The following MAPKAPK5 variants were observed in gnomAD, a reference collection of about 807,000 sequenced individuals.
The protein encoded by MAPKAPK5 is MAP kinase-activated protein kinase 5.
In MAPKAPK5, 30 loss-of-function variants were observed where a neutral mutation model predicts 65.1. That is an observed-to-expected ratio of 0.46 (90% CI 0.34 to 0.63). The LOEUF (loss-of-function observed/expected upper bound fraction) is 0.63. Among genes scored for constraint, MAPKAPK5 ranks in the 20% least tolerant of loss-of-function variants. The pLI is 0.01. For synonymous variants in MAPKAPK5, 179 were observed against 204.6 expected (o/e 0.87, Z 1.07); for missense variants, 433 against 581.4 (o/e 0.74, Z 2.63).
At chr12:111,888,408 T>TG in intron 10 of MAPKAPK5, 80 bp from the exon 11 acceptor site, 1 of 1,562,392 alleles carries the variant, frequency 6.4e-7, no homozygotes, top group Non-Finnish European at 8.7e-7. Flanking sequence ...ACTTTGAGCT[T>TG]TTCCTTTCCA....
intron 4 of MAPKAPK5, 77 bp downstream of exon 4, chr12:111,867,746 C>A: frequency 1.9e-6 from 2 of 1,058,938 alleles, no homozygotes; most frequent in Non-Finnish European, 2.9e-6. Flanking sequence ...CTTTTATGTG[C>A]TCCCTCCCCT....
At chr12:111,849,120 A>T (rs2068991595) in intron 1 of MAPKAPK5, among the ~76,000 whole-genome samples, 2 of 150,468 alleles carry the variant, frequency 1.3e-5, no homozygotes, top group Non-Finnish European at 3.0e-5. Flanking sequence ...TTTTTTTATT[A>T]ATTTTTTTAG....
intron 8 of MAPKAPK5, chr12:111,882,842 G>A: frequency 4.1e-6 from 4 of 985,440 alleles, no homozygotes; most frequent in Non-Finnish European, 4.8e-6. Flanking sequence ...AGTGGCCTGT[G>A]CTGTACTGTA....
chr12:111,867,798 C>T, intron 4 of MAPKAPK5, 129 bp downstream of exon 4: 1 of 682,744 alleles, frequency 1.5e-6, no homozygotes, highest in Non-Finnish European at 2.6e-6. Flanking sequence ...CTCTGCCCTT[C>T]CTTCTCCCCC....
At chr12:111,880,333 G>T (rs923949029) in intron 7 of MAPKAPK5, 114 bp from the exon 8 acceptor site, 27 of 824,128 alleles carry the variant, frequency 3.3e-5, no homozygotes, top group South Asian at 3.3e-4. Context: ...GTTTTTTTTC[G>T]ATGGCTGATT....
At position 111,861,114 on chromosome 12, in the gene MAPKAPK5, G is replaced by A. The variant is rs910489465; in HGVS notation, c.37-4136G>A. ...GGAGGTTGGCGTGAGCCGAGATCGCGCCACTGCACACCAGCCTGGGCAACA... is the reference window on the plus strand; with the variant it reads ...GGAGGTTGGCGTGAGCCGAGATCGCACCACTGCACACCAGCCTGGGCAACA... On this transcript the variant is annotated intron_variant, in intron 1 of 13. Coordinates refer to ENST00000550735, the MANE Select transcript of MAPKAPK5 (RefSeq NM_003668.4). Among the ~76,000 whole-genome samples the A allele has an allele frequency of 4.0e-5, 6 of 151,060 alleles. No individual in the cohort carries two copies. In the South Asian group the frequency reaches 6.3e-4, roughly 16 times the overall value.
chr12:111,870,960 A>G, intron 6 of MAPKAPK5, 125 bp from the exon 7 acceptor site: 1 of 663,082 alleles, frequency 1.5e-6, no homozygotes, highest in East Asian at 2.7e-5. Flanking sequence ...TGTTATTTTC[A>G]TAAGTTCGCA....
chr12:111,887,416 A>G (rs1205257085), intron 10 of MAPKAPK5, among the ~76,000 whole-genome samples: 1 of 152,220 alleles, frequency 6.6e-6, no homozygotes, highest in Non-Finnish European at 1.5e-5. Flanking sequence ...TTACGCCTGT[A>G]ATCCCAGCAG....
intron 1 of MAPKAPK5, among the ~76,000 whole-genome samples, chr12:111,854,462 A>G (rs912768924): frequency 6.6e-6 from 1 of 151,860 alleles, no homozygotes; most frequent in South Asian, 2.1e-4. Context: ...GATGGTCTTG[A>G]TCTCTTGACC....
chr12:111,887,790 A>T (rs956666160), intron 10 of MAPKAPK5: 2 of 151,490 alleles, frequency 1.3e-5, no homozygotes, highest in Admixed American at 1.3e-4. Flanking sequence ...GGCTTGATGT[A>T]TACTTCCTGA....
At chr12:111,854,940 T>C (rs1475390605) in intron 1 of MAPKAPK5, among the ~76,000 whole-genome samples, 1 of 146,068 alleles carries the variant, frequency 6.8e-6, no homozygotes, top group Non-Finnish European at 1.5e-5. Flanking sequence ...TACTCAGTTA[T>C]TAATTCAGTT....
Position 111,865,289 on chromosome 12 carries a change from CAGAAGCT to C in MAPKAPK5, c.77_83del (p.Gln26ArgfsTer13). The stretch of plus-strand genomic sequence containing the variant: ...AGAAGAATACAGTATCAATTGGACT[CAGAAGCT>C]GGGAGCTGGAATTAGTGGTCCAGTT... On this transcript the variant is annotated frameshift_variant, in exon 2 of 14. Coordinates refer to ENST00000550735, the MANE Select transcript of MAPKAPK5 (RefSeq NM_003668.4). LOFTEE classifies it high-confidence loss of function. 6.3e-7 allele frequency: 1 copy of C among 1,593,112 alleles called. No individual in the cohort carries two copies.
In MAPKAPK5 at chr12:111,896,317, T is replaced by G. The variant is rs2070813269; in HGVS notation, c.*3256T>G. On this transcript the variant is annotated 3_prime_UTR_variant, in exon 14 of 14. Coordinates refer to ENST00000550735, the MANE Select transcript of MAPKAPK5 (RefSeq NM_003668.4). ...TCAAGCTGAATTCATGCCCTCAATG[T>G]AAGTGCTGTGTCCAGACACATCCAA... is the stretch of plus-strand genomic sequence containing the variant. The G allele has an allele frequency of 6.6e-6, 1 of 152,174 alleles. No individual in the cohort carries two copies. Among genetic ancestry groups the G allele is most frequent in the Non-Finnish European group, 1.5e-5 (1 of 68,036 alleles). 9.4% of individuals were successfully genotyped at this position (152,174 alleles called of 1,614,324 possible).
In MAPKAPK5 at chr12:111,865,437, T is replaced by C. The variant is rs975152574; in HGVS notation, c.110+114T>C. The C allele has an allele frequency of 1.5e-5, 11 of 725,232 alleles. No homozygotes were observed. The African/African-American group carries it at 2.0e-4, about 13-fold the overall frequency. The allele number at this position is 725,232 out of a possible 1,614,324, so 44.9% of individuals were successfully genotyped here. On this transcript the variant is annotated intron_variant, in intron 2 of 13. Transcript: ENST00000550735. ...CATCAGGTGTGCCAGATTTGAGGAA[T>C]AGGCTGAATTTAACAAGTACAGGTT...
intron 1 of MAPKAPK5, among the ~76,000 whole-genome samples, chr12:111,845,282 G>C (rs1321159446): frequency 3.3e-5 from 5 of 152,012 alleles, no homozygotes; most frequent in Non-Finnish European, 5.9e-5. Context: ...ACACCACCAC[G>C]CCCGGCTATT....
chr12:111,847,600 TA>T (rs532376331), intron 1 of MAPKAPK5, among the ~76,000 whole-genome samples: 2 of 151,950 alleles, frequency 1.3e-5, no homozygotes, highest in African/African-American at 4.8e-5. Flanking sequence ...TTTTTAAAAT[TA>T]AAAAAAATTG....
Position 111,888,577 on chromosome 12 carries a change from C to A in MAPKAPK5, c.1059C>A (p.His353Gln), listed in dbSNP as rs372410297. Residue 353 changes from histidine to glutamine, a missense_variant, in exon 11 of 14, where the codon CAC becomes CAA. Coordinates refer to ENST00000550735, the MANE Select transcript of MAPKAPK5 (RefSeq NM_003668.4). ...QDLKVSLKPL[H>Q]SVNNPILRKR... is the part of the protein sequence containing the mutation. Reference sequence around the variant, plus strand: ...TGAAAGTCAGCCTCAAACCCCTGCACTCAGTGAACAACCCCATTCTGCGGA... The same window carrying A: ...TGAAAGTCAGCCTCAAACCCCTGCAATCAGTGAACAACCCCATTCTGCGGA... 4.3e-6 allele frequency: 7 copies of A among 1,614,008 alleles called. No individual in the cohort carries two copies. Among genetic ancestry groups the A allele is most frequent in the Non-Finnish European group, 5.9e-6 (7 of 1,179,886 alleles).
At chr12:111,847,344 CAAA>C (rs58150812) in intron 1 of MAPKAPK5, among the ~76,000 whole-genome samples, 2 of 103,328 alleles carry the variant, frequency 1.9e-5, no homozygotes, top group Admixed American at 1.1e-4. Flanking sequence ...TGAGACTCTG[CAAA>C]AAAAAAAAAA....
Position 111,900,015 on chromosome 12 carries a change from G to A in MAPKAPK5, c.*6954G>A, listed in dbSNP as rs1328055366. ...GCGGTTCCAGATGTGGGGCAGTAACGTCAATGAGACGGTCCAGACAGTAGT... is the reference window on the plus strand; with the variant it reads ...GCGGTTCCAGATGTGGGGCAGTAACATCAATGAGACGGTCCAGACAGTAGT... On this transcript the variant is annotated 3_prime_UTR_variant, in exon 14 of 14. Coordinates refer to ENST00000550735, the MANE Select transcript of MAPKAPK5 (RefSeq NM_003668.4). 2 of 455,952 alleles carry A rather than the reference G, an allele frequency of 4.4e-6. No individual in the cohort carries two copies. Among genetic ancestry groups the A allele is most frequent in the Non-Finnish European group, 4.4e-6 (1 of 226,816 alleles). 28.2% of individuals were successfully genotyped at this position (455,952 alleles called of 1,614,324 possible). A position where few individuals can be genotyped will look rare whatever the true frequency, so the allele number is the denominator to read the frequency against.
Sources: allele counts gnomAD v4.1 joint callset (sites outside exome capture counted in the v4.1 genomes callset), GRCh38; gene constraint gnomAD v4.1.1; transcripts MANE v1.5; gene names NCBI Gene and HGNC (gene_info 2026-07-23, HGNC 2026-07-21).